ARL15: variants seen among roughly 807,000 people sequenced by gnomAD.
ARL15 encodes ADP-ribosylation factor-like protein 15.
ARL15 carries 19 observed loss-of-function variants against 25.2 expected under a neutral mutation model. That is an observed-to-expected ratio of 0.75 (90% CI 0.53 to 1.10). ARL15 has a LOEUF of 1.10. ARL15 is among the 50% of genes least tolerant of loss of function. The pLI is 0.00. For missense variants in ARL15, 220 were observed against 246.0 expected (o/e 0.89, Z 0.71); for synonymous variants, 94 against 86.8 (o/e 1.08, Z -0.46).
chr5:54,073,830 G>A (rs1313798787), intron 4 of ARL15, among the ~76,000 whole-genome samples: 1 of 152,210 alleles, frequency 6.6e-6, no homozygotes, highest in African/African-American at 2.4e-5. Context: ...GCAGCAGCCA[G>A]GTGGGAATGT....
At chr5:54,245,782 T>G (rs1757072811) in intron 1 of ARL15, among the ~76,000 whole-genome samples, 2 of 152,058 alleles carry the variant, frequency 1.3e-5, no homozygotes, top group African/African-American at 4.8e-5. Flanking sequence ...GAGCCGAGGG[T>G]TCACCATGTT....
chr5:54,044,142 A>G (rs1750432994), intron 4 of ARL15, among the ~76,000 whole-genome samples: 1 of 152,170 alleles, frequency 6.6e-6, no homozygotes, highest in South Asian at 2.1e-4. Flanking sequence ...TGCCTTTAAC[A>G]TACAAAAGTT....
intron 1 of ARL15, among the ~76,000 whole-genome samples, chr5:54,279,068 C>CA (rs201659834): frequency 5.9e-5 from 9 of 151,496 alleles, no homozygotes; most frequent in South Asian, 4.2e-4. Flanking sequence ...TTAAAAGCAC[C>CA]AAAAAAAACA....
At chr5:53,973,372 G>A (rs75791794) in intron 4 of ARL15, among the ~76,000 whole-genome samples, 1,805 of 152,054 alleles carry the variant, frequency 0.012, 59 homozygotes, top group Admixed American at 0.067. Context: ...TCAGAAGTTC[G>A]AGACCAGCCT....
intron 4 of ARL15, among the ~76,000 whole-genome samples, chr5:54,089,400 A>G (rs1344583630): frequency 1.3e-5 from 2 of 152,218 alleles, no homozygotes; most frequent in African/African-American, 4.8e-5. Context: ...TACAACATTA[A>G]TAGTTACTAT....
chr5:54,003,161 T>G lies in ARL15; in HGVS notation c.462+110041A>C, dbSNP rs531903706. On this transcript the variant is annotated intron_variant, in intron 4 of 4. Transcript: ENST00000504924. ...TCCCAGGGTAACTTAGAATGTAGTT[T>G]ATGAACTAGCTCATTTTGGAAGTTA... Among the ~76,000 whole-genome samples, 66 of 152,326 alleles carry G rather than the reference T, an allele frequency of 4.3e-4. 1 individual carries two copies. Among genetic ancestry groups the G allele is most frequent in the African/African-American group, 1.5e-3 (62 of 41,572 alleles).
chr5:53,906,125 A>T (rs1470922199), intron 4 of ARL15, among the ~76,000 whole-genome samples: 1 of 152,214 alleles, frequency 6.6e-6, no homozygotes, highest in Non-Finnish European at 1.5e-5. Flanking sequence ...AGTCAATTAT[A>T]GTTTTCATAA....
chr5:54,187,400 ATCAACTATACATTTGG>A (rs1211123613), intron 1 of ARL15, among the ~76,000 whole-genome samples: 34 of 152,210 alleles, frequency 2.2e-4, no homozygotes, highest in Non-Finnish European at 3.7e-4. Context: ...CAAAACCAGT[ATCAACTATACATTTGG>A]TCCACTGGCC....
intron 4 of ARL15, among the ~76,000 whole-genome samples, chr5:53,906,656 A>G (rs1745257721): frequency 6.6e-6 from 1 of 152,210 alleles, no homozygotes; most frequent in African/African-American, 2.4e-5. Flanking sequence ...AGTTCCCTAA[A>G]TGAGCAAATC....
intron 4 of ARL15, among the ~76,000 whole-genome samples, chr5:54,033,627 G>A (rs373706037): frequency 8.0e-5 from 12 of 149,238 alleles, no homozygotes; most frequent in Admixed American, 6.0e-4. Flanking sequence ...ATCCGAGATC[G>A]AGCCACTGTA....
At chr5:54,291,486 T>G (rs535476782) in intron 1 of ARL15, among the ~76,000 whole-genome samples, 1 of 152,374 alleles carries the variant, frequency 6.6e-6, no homozygotes, top group South Asian at 2.1e-4. Flanking sequence ...TTATATTTTT[T>G]GTTCAAATAT....
chr5:53,999,049 A>G (rs1429674847), intron 4 of ARL15, among the ~76,000 whole-genome samples: 1 of 152,238 alleles, frequency 6.6e-6, no homozygotes, highest in Non-Finnish European at 1.5e-5. Flanking sequence ...AGACAGAGAC[A>G]TCAACACTGA....
At chr5:54,123,112 CTTT>C (rs564304323) in intron 3 of ARL15, among the ~76,000 whole-genome samples, 8 of 142,142 alleles carry the variant, frequency 5.6e-5, no homozygotes, top group Non-Finnish European at 6.2e-5. Flanking sequence ...TTTTATATTC[CTTT>C]TTTTTTTTTT....
chr5:53,980,962 C>A (rs1387583986), intron 4 of ARL15, among the ~76,000 whole-genome samples: 1 of 152,084 alleles, frequency 6.6e-6, no homozygotes, highest in Non-Finnish European at 1.5e-5. Context: ...GCCTGGGTGA[C>A]AGAGTGAGAC....
chr5:54,160,100 T>A (rs1226234072), intron 2 of ARL15, among the ~76,000 whole-genome samples: 3 of 152,230 alleles, frequency 2.0e-5, no homozygotes, highest in Admixed American at 6.5e-5. Flanking sequence ...ATCTGGTGGC[T>A]TTGACCTGCA....
chr5:54,025,676 TG>T (rs1416972941), intron 4 of ARL15, among the ~76,000 whole-genome samples: 2 of 152,148 alleles, frequency 1.3e-5, no homozygotes, highest in Non-Finnish European at 2.9e-5. Flanking sequence ...TTTGTTTGTT[TG>T]TTTGTTTCGG....
At chr5:54,285,904 C>G (rs1295654070) in intron 1 of ARL15, among the ~76,000 whole-genome samples, 1 of 152,070 alleles carries the variant, frequency 6.6e-6, no homozygotes, top group Non-Finnish European at 1.5e-5. Context: ...GCTAAAGTGC[C>G]GCGTGGGTCG....
chr5:53,932,282 G>C lies in ARL15; in HGVS notation c.463-45569C>G, dbSNP rs114798560. On this transcript the variant is annotated intron_variant, in intron 4 of 4. Coordinates refer to ENST00000504924, the MANE Select transcript of ARL15 (RefSeq NM_019087.3). ...ACATATGCTTTTGGGGAAGGTGAGA[G>C]AAGGCAGTAGAAAACTAAACTTAAA... Among the ~76,000 whole-genome samples the C allele has an allele frequency of 6.8e-3, 1,040 of 152,322 alleles. 9 individuals carry two copies. The highest frequency in any genetic ancestry group is 0.011 in the Non-Finnish European group (719 of 68,028).
chr5:54,018,089 CAT>C (rs1206189654), intron 4 of ARL15, among the ~76,000 whole-genome samples: 2 of 152,080 alleles, frequency 1.3e-5, no homozygotes, highest in African/African-American at 4.8e-5. Context: ...ACATGTTCAT[CAT>C]AGTTTTTAAA....
Sources: allele counts gnomAD v4.1 joint callset (sites outside exome capture counted in the v4.1 genomes callset), GRCh38; gene constraint gnomAD v4.1.1; transcripts MANE v1.5; gene names NCBI Gene and HGNC (gene_info 2026-07-23, HGNC 2026-07-21).